The following CAMK4 variants were observed in gnomAD, a reference collection of about 807,000 sequenced individuals.
CAMK4 encodes the protein calcium/calmodulin-dependent protein kinase type IV.
Under a neutral mutation model 44.9 loss-of-function variants are expected in CAMK4, and 22 were observed. The ratio of observed to expected loss-of-function variants is 0.49; its 90% confidence interval spans 0.35 to 0.70. The LOEUF is 0.70. Among genes scored for constraint, CAMK4 ranks in the 30% least tolerant of loss-of-function variants. The pLI is 0.01. For synonymous variants in CAMK4, 218 were observed against 215.4 expected (o/e 1.01, Z -0.11); for missense variants, 498 against 586.8 (o/e 0.85, Z 1.56).
chr5:111,453,588 CAG>C (rs1300663268), intron 7 of CAMK4, among the ~76,000 whole-genome samples: 1 of 151,946 alleles, frequency 6.6e-6, no homozygotes, highest in Admixed American at 6.6e-5. Flanking sequence ...AGAATTTACG[CAG>C]AGACTGTTTT....
In CAMK4 at chr5:111,347,395, G is replaced by T. The variant is rs1042270337; in HGVS notation, c.240+3293G>T. On this transcript the variant is annotated intron_variant, in intron 2 of 10. Transcript: ENST00000282356. ...TTCTATAAGGAACCAAACATCTTGT[G>T]ACTCTAACTTACTTGAATGACAATC... Among the ~76,000 whole-genome samples, 16 of 152,134 alleles carry T rather than the reference G, an allele frequency of 1.1e-4. No homozygotes were observed. In the East Asian group the frequency reaches 2.5e-3, roughly 24 times the overall value.
chr5:111,353,169 G>A (rs1396078185), intron 2 of CAMK4, among the ~76,000 whole-genome samples: 1 of 151,968 alleles, frequency 6.6e-6, no homozygotes, highest in East Asian at 1.9e-4. Context: ...CAATCACTGT[G>A]TGCCAGGAAC....
At position 111,412,977 on chromosome 5, in the gene CAMK4, A is replaced by G. The variant is rs1247177066; in HGVS notation, c.459+18195A>G. Among the ~76,000 whole-genome samples, 2 of 152,212 alleles carry G rather than the reference A, an allele frequency of 1.3e-5. 1 individual carries two copies. The highest frequency in any genetic ancestry group is 2.9e-5 in the Non-Finnish European group (2 of 68,034). ...ACTCTGGACACATTGACTATGGGGT[A>G]GCTCTGCTCTTCAAGAAGCAGTAAT... On this transcript the variant is annotated intron_variant, in intron 5 of 10. Coordinates refer to ENST00000282356, the MANE Select transcript of CAMK4 (RefSeq NM_001744.6).
intron 2 of CAMK4, among the ~76,000 whole-genome samples, chr5:111,361,432 T>C (rs750000903): frequency 6.6e-6 from 1 of 152,020 alleles, no homozygotes; most frequent in Non-Finnish European, 1.5e-5. Context: ...TAATATACAA[T>C]GAAAACCTAT....
intron 5 of CAMK4, among the ~76,000 whole-genome samples, chr5:111,440,675 G>A (rs1042586244): frequency 9.2e-5 from 12 of 130,762 alleles, no homozygotes; most frequent in Non-Finnish European, 1.3e-4. Context: ...AAGCCAGGTA[G>A]AGGAAGGAAG....
At chr5:111,324,394 A>C (rs1443518766) in intron 1 of CAMK4, among the ~76,000 whole-genome samples, 1 of 152,076 alleles carries the variant, frequency 6.6e-6, no homozygotes, top group Non-Finnish European at 1.5e-5. Context: ...GTTGTCTTTT[A>C]TATTTAGCTG....
In CAMK4 at chr5:111,425,574, G is replaced by A. The variant is rs76091828; in HGVS notation, c.460-21112G>A. On this transcript the variant is annotated intron_variant, in intron 5 of 10. Coordinates refer to ENST00000282356, the MANE Select transcript of CAMK4 (RefSeq NM_001744.6). ...GATTCATAACTTTCTTCATTCATTT[G>A]CCCAACTTTTTTAAGTACCAGGAAT... Among the ~76,000 whole-genome samples the A allele has an allele frequency of 6.8e-3, 1,042 of 152,270 alleles. 9 individuals are homozygous for A. Among genetic ancestry groups the A allele is most frequent in the African/African-American group, 0.022 (922 of 41,556 alleles).
At chr5:111,447,747 T>G (rs1754079764) in intron 6 of CAMK4, among the ~76,000 whole-genome samples, 1 of 152,226 alleles carries the variant, frequency 6.6e-6, no homozygotes, top group Non-Finnish European at 1.5e-5. Context: ...TGTTAACACC[T>G]TTAACAATTA....
intron 4 of CAMK4, among the ~76,000 whole-genome samples, chr5:111,378,624 T>G (rs1250285612): frequency 1.3e-5 from 2 of 152,170 alleles, no homozygotes; most frequent in Admixed American, 6.6e-5. Context: ...TTATTAGACT[T>G]TAAACATTAT....
chr5:111,375,230 A>G (rs747401013), intron 3 of CAMK4, among the ~76,000 whole-genome samples: 2 of 152,246 alleles, frequency 1.3e-5, no homozygotes, highest in African/African-American at 2.4e-5. Flanking sequence ...TTGTGTGCCT[A>G]TCTTATTAAT....
chr5:111,479,551 T>C (rs1277466387), intron 9 of CAMK4, among the ~76,000 whole-genome samples: 1 of 152,158 alleles, frequency 6.6e-6, no homozygotes, highest in African/African-American at 2.4e-5. Flanking sequence ...CATCTAGTCC[T>C]CCTCTCATTT....
chr5:111,347,170 A>G (rs1429917688), intron 2 of CAMK4, among the ~76,000 whole-genome samples: 2 of 152,022 alleles, frequency 1.3e-5, no homozygotes, highest in East Asian at 1.9e-4. Flanking sequence ...TGGGGTCAGA[A>G]GAAAGGAATG....
chr5:111,439,403 A>C (rs1006998426), intron 5 of CAMK4, among the ~76,000 whole-genome samples: 1 of 152,124 alleles, frequency 6.6e-6, no homozygotes, highest in Non-Finnish European at 1.5e-5. Flanking sequence ...AGGTGGGGAT[A>C]CACAAGCCAC....
chr5:111,413,319 C>T (rs760558419), intron 5 of CAMK4, among the ~76,000 whole-genome samples: 1 of 152,166 alleles, frequency 6.6e-6, no homozygotes, highest in Non-Finnish European at 1.5e-5. Flanking sequence ...TGGCTCACGC[C>T]TGTAATCCCA....
At chr5:111,443,326 T>C (rs1024353562) in intron 5 of CAMK4, among the ~76,000 whole-genome samples, 6 of 134,706 alleles carry the variant, frequency 4.5e-5, no homozygotes, top group African/African-American at 1.4e-4. Flanking sequence ...TATATATATA[T>C]ACTATATATA....
At chr5:111,379,102 A>C (rs1258178776) in intron 4 of CAMK4, among the ~76,000 whole-genome samples, 1 of 152,180 alleles carries the variant, frequency 6.6e-6, no homozygotes, top group Non-Finnish European at 1.5e-5. Context: ...GAGACCTTGC[A>C]TATTTCTCTG....
intron 5 of CAMK4, among the ~76,000 whole-genome samples, chr5:111,429,778 A>C (rs1437259700): frequency 2.3e-5 from 1 of 43,278 alleles, no homozygotes; most frequent in African/African-American, 1.1e-4. Flanking sequence ...ACCTCATCTC[A>C]AAAAAAAAAA....
chr5:111,408,994 C>T (rs902824736), intron 5 of CAMK4, among the ~76,000 whole-genome samples: 6 of 152,154 alleles, frequency 3.9e-5, no homozygotes, highest in African/African-American at 1.4e-4. Flanking sequence ...AGCTTCCCTC[C>T]CAACTGCTTT....
At chr5:111,330,527 C>G (rs1393699062) in intron 1 of CAMK4, among the ~76,000 whole-genome samples, 2 of 151,208 alleles carry the variant, frequency 1.3e-5, no homozygotes, top group Non-Finnish European at 3.0e-5. Flanking sequence ...TGGTAAACAT[C>G]AGTGAATTGA....
Sources: allele counts gnomAD v4.1 joint callset (sites outside exome capture counted in the v4.1 genomes callset), GRCh38; gene constraint gnomAD v4.1.1; transcripts MANE v1.5; gene names NCBI Gene and HGNC (gene_info 2026-07-23, HGNC 2026-07-21).